The following AFG2A variants were observed in gnomAD, a reference collection of about 807,000 sequenced individuals.
The protein encoded by AFG2A is AAA ATPase AFG2A, also known as ATPase family gene 2 protein homolog A.
chr4:123,176,776 A>G, the AFG2A span, among the ~76,000 whole-genome samples: 1 of 152,144 alleles, frequency 6.6e-6, no homozygotes, highest in Non-Finnish European at 1.5e-5. Context: ...GAAAAGTGGT[A>G]AGGGAAAGAG....
At chr4:123,277,133 T>G in the AFG2A span, among the ~76,000 whole-genome samples, 1 of 152,198 alleles carries the variant, frequency 6.6e-6, no homozygotes, top group Non-Finnish European at 1.5e-5. Flanking sequence ...GTTTTCTATT[T>G]TTGTGTCATC....
the AFG2A span, among the ~76,000 whole-genome samples, chr4:123,040,833 T>G: frequency 6.6e-6 from 1 of 152,186 alleles, no homozygotes; most frequent in African/African-American, 2.4e-5. Flanking sequence ...GAAGTCACTC[T>G]GTAGTATCTT....
chr4:123,188,268 A>T, the AFG2A span, among the ~76,000 whole-genome samples: 1 of 151,946 alleles, frequency 6.6e-6, no homozygotes, highest in Non-Finnish European at 1.5e-5. Flanking sequence ...TATTGTAGTG[A>T]TTTTTTCCCA....
chr4:122,939,022 T>TAAAAAA, the AFG2A span, among the ~76,000 whole-genome samples: 1 of 148,578 alleles, frequency 6.7e-6, no homozygotes, highest in Non-Finnish European at 1.5e-5. Flanking sequence ...GTATAACATT[T>TAAAAAA]AAAAAAAAAC....
At chr4:123,065,938 C>T in the AFG2A span, among the ~76,000 whole-genome samples, 7 of 152,020 alleles carry the variant, frequency 4.6e-5, no homozygotes, top group East Asian at 1.9e-4. Context: ...ATGACTAGAA[C>T]ATAAAAACAT....
At chr4:123,123,621 C>T in the AFG2A span, among the ~76,000 whole-genome samples, 1 of 152,028 alleles carries the variant, frequency 6.6e-6, no homozygotes, top group Non-Finnish European at 1.5e-5. Flanking sequence ...AATGAGATAT[C>T]ATCTCACACC....
chr4:123,068,941 A>G, the AFG2A span, among the ~76,000 whole-genome samples: 2 of 152,198 alleles, frequency 1.3e-5, no homozygotes, highest in African/African-American at 2.4e-5. Flanking sequence ...GTAAAGAATC[A>G]TTGGTAAGCT....
At chr4:123,258,102 G>T in the AFG2A span, among the ~76,000 whole-genome samples, 1 of 152,128 alleles carries the variant, frequency 6.6e-6, no homozygotes, top group Non-Finnish European at 1.5e-5. Flanking sequence ...GTTCCATAAT[G>T]CTTGGATTGG....
At chr4:123,178,960 C>A in the AFG2A span, among the ~76,000 whole-genome samples, 1 of 152,144 alleles carries the variant, frequency 6.6e-6, no homozygotes, top group Non-Finnish European at 1.5e-5. Flanking sequence ...TTGAAAGGTA[C>A]TTGATCTGTT....
the AFG2A span, among the ~76,000 whole-genome samples, chr4:123,233,054 A>G: frequency 6.6e-6 from 1 of 152,048 alleles, no homozygotes; most frequent in South Asian, 2.1e-4. Context: ...TCAAATCATT[A>G]AAGTAGAACT....
the AFG2A span, among the ~76,000 whole-genome samples, chr4:123,231,797 T>C: frequency 2.6e-5 from 4 of 151,916 alleles, no homozygotes; most frequent in African/African-American, 9.7e-5. Context: ...AATTTCATTA[T>C]TATTGTGTCT....
At chr4:123,296,010 T>C in the AFG2A span, among the ~76,000 whole-genome samples, 1 of 152,164 alleles carries the variant, frequency 6.6e-6, no homozygotes, top group African/African-American at 2.4e-5. Flanking sequence ...TTTATCAATA[T>C]ATCCCAGCTA....
the AFG2A span, among the ~76,000 whole-genome samples, chr4:123,164,739 G>T: frequency 6.6e-6 from 1 of 151,978 alleles, no homozygotes; most frequent in African/African-American, 2.4e-5. Flanking sequence ...AATTTTCTTA[G>T]CATTTTTAAT....
chr4:123,100,069 G>T, the AFG2A span, among the ~76,000 whole-genome samples: 137,546 of 151,526 alleles, frequency 0.91, 62,665 homozygotes, highest in East Asian at 0.98. Flanking sequence ...AAGAAATTTG[G>T]TTTTTCAAGA....
the AFG2A span, among the ~76,000 whole-genome samples, chr4:123,222,608 G>T: frequency 6.6e-6 from 1 of 152,082 alleles, no homozygotes; most frequent in African/African-American, 2.4e-5. Flanking sequence ...CCAACTGTAG[G>T]TGTAATGTCA....
the AFG2A span, among the ~76,000 whole-genome samples, chr4:123,041,373 G>A: frequency 2.2e-4 from 33 of 147,646 alleles, no homozygotes; most frequent in African/African-American, 7.5e-4. Context: ...CACCCACCTC[G>A]GCCTCCCAAA....
the AFG2A span, among the ~76,000 whole-genome samples, chr4:122,974,171 C>T: frequency 2.0e-5 from 3 of 151,514 alleles, no homozygotes; most frequent in East Asian, 5.8e-4. Flanking sequence ...ATTAAATATA[C>T]TTTTAAAAAC....
chr4:123,099,532 T>C, the AFG2A span, among the ~76,000 whole-genome samples: 2 of 146,164 alleles, frequency 1.4e-5, no homozygotes, highest in Non-Finnish European at 3.0e-5. Flanking sequence ...AGCCACAGAG[T>C]TTTTTTTTTT....
chr4:122,998,302 CA>C, the AFG2A span, among the ~76,000 whole-genome samples: 5 of 151,782 alleles, frequency 3.3e-5, no homozygotes, highest in African/African-American at 7.3e-5. Flanking sequence ...ATCTTTGATT[CA>C]TTTTTTTAAA....
Sources: allele counts gnomAD v4.1 joint callset (sites outside exome capture counted in the v4.1 genomes callset), GRCh38; gene constraint gnomAD v4.1.1; transcripts MANE v1.5; gene names NCBI Gene and HGNC (gene_info 2026-07-23, HGNC 2026-07-21).